SCOC: variants seen among roughly 807,000 people sequenced by gnomAD.
SCOC encodes short coiled coil protein.
In SCOC, 7 loss-of-function variants were observed where a neutral mutation model predicts 9.9. The ratio of observed to expected loss-of-function variants is 0.71; its 90% CI spans 0.40 to 1.33. The LOEUF is 1.33. Ranked by LOEUF, SCOC falls within the 40% of genes most tolerant of loss-of-function variation. The pLI, the probability that SCOC is intolerant of heterozygous loss-of-function variation, is 0.01. For missense variants in SCOC, 66 were observed against 89.7 expected (o/e 0.74, Z 1.07); for synonymous variants, 19 against 28.2 (o/e 0.67, Z 1.03).
chr4:140,346,161 C>T (rs535457234), intron 2 of SCOC, among the ~76,000 whole-genome samples: 50 of 152,208 alleles, frequency 3.3e-4, no homozygotes, highest in Non-Finnish European at 5.9e-4. Context: ...GTGGCAGTGG[C>T]GGTGTTTGTT....
At chr4:140,366,646 T>A in intron 2 of SCOC, 1 of 1,604,264 alleles carries the variant, frequency 6.2e-7, no homozygotes, top group East Asian at 2.2e-5. Flanking sequence ...TTGTCTGACA[T>A]ACTTCTGGTG....
intron 1 of SCOC, among the ~76,000 whole-genome samples, chr4:140,273,162 G>T (rs1730887304): frequency 1.3e-5 from 2 of 152,152 alleles, no homozygotes; most frequent in South Asian, 2.1e-4. Flanking sequence ...GAGCAGGTCG[G>T]CTGGAAAACA....
At chr4:140,275,291 G>T (rs1034145174) in intron 1 of SCOC, among the ~76,000 whole-genome samples, 2 of 152,172 alleles carry the variant, frequency 1.3e-5, no homozygotes, top group African/African-American at 4.8e-5. Context: ...ACCACCACCT[G>T]CATGAAACAT....
upstream of SCOC, among the ~76,000 whole-genome samples, chr4:140,339,774 T>G (rs1726429328): frequency 6.6e-6 from 1 of 152,194 alleles, no homozygotes. Context: ...CCAGTTAGAA[T>G]GGCGATCATT....
Position 140,328,448 on chromosome 4 carries a change from C to G in SCOC, c.-18-15173C>G, listed in dbSNP as rs1308070982. On this transcript the variant is annotated intron_variant, in intron 1 of 4. Coordinates refer to the SCOC transcript ENST00000394205. Reference sequence around the variant, plus strand: ...GATAATAATTTCTGTGTGCCACCTTCGAGTCGACCTCTGTGCCCAACATTT... The same window carrying G: ...GATAATAATTTCTGTGTGCCACCTTGGAGTCGACCTCTGTGCCCAACATTT... Among the ~76,000 whole-genome samples, 3 of 152,176 alleles carry G rather than the reference C, an allele frequency of 2.0e-5. No homozygotes were observed. The East Asian group carries it at 5.8e-4, about 29-fold the overall frequency.
Position 140,297,296 on chromosome 4 carries a change from C to T in SCOC, c.-19+39886C>T, listed in dbSNP as rs189431910. Among the ~76,000 whole-genome samples, 1,049 of 151,598 alleles carry T rather than the reference C, an allele frequency of 6.9e-3. 9 individuals carry two copies. The highest frequency in any genetic ancestry group is 6.7e-3 in the Non-Finnish European group (457 of 67,930). ...GGGGGGGGGGCACTGTTGTCAGTAT[C>T]TGCTGCCGGAGCCCACGCAGCACTT... On this transcript the variant is annotated intron_variant, in intron 1 of 4. Transcript: ENST00000394205.
intron 1 of SCOC, among the ~76,000 whole-genome samples, chr4:140,287,188 TAC>T (rs780531611): frequency 5.5e-4 from 82 of 150,032 alleles, no homozygotes; most frequent in African/African-American, 1.5e-3. Flanking sequence ...ACACACATGC[TAC>T]ACACACACAT....
Position 140,315,056 on chromosome 4 carries a change from T to G in SCOC, c.-18-28565T>G, listed in dbSNP as rs191196879. ...AGGACTAGGGGCAATTTAGTGTCCC[T>G]ATATGTTAGGACTCCCACTTAAAGA... On this transcript the variant is annotated intron_variant, in intron 1 of 4. Transcript: ENST00000394205. Among the ~76,000 whole-genome samples, 10 of 152,344 alleles carry G rather than the reference T, an allele frequency of 6.6e-5. No individual in the cohort carries two copies. The East Asian group carries it at 1.9e-3, about 29-fold the overall frequency.
At chr4:140,279,285 T>C (rs1263757438) in intron 1 of SCOC, among the ~76,000 whole-genome samples, 2 of 152,212 alleles carry the variant, frequency 1.3e-5, no homozygotes, top group Non-Finnish European at 2.9e-5. Context: ...TTCTCCTAAG[T>C]CCATGTTTGT....
chr4:140,270,555 TGGG>T (rs1560675909), intron 1 of SCOC, among the ~76,000 whole-genome samples: 1 of 152,126 alleles, frequency 6.6e-6, no homozygotes, highest in African/African-American at 2.4e-5. Flanking sequence ...AGGCTGGTAC[TGGG>T]ATTGGATAGT....
chr4:140,338,133 G>A (rs577546683), intron 1 of SCOC, among the ~76,000 whole-genome samples: 3 of 152,160 alleles, frequency 2.0e-5, no homozygotes, highest in African/African-American at 4.8e-5. Flanking sequence ...GGGATGCAAG[G>A]CTGGTTCAAT....
At chr4:140,342,212 G>A (rs548259886), upstream of SCOC, among the ~76,000 whole-genome samples, 52 of 152,030 alleles carry the variant, frequency 3.4e-4, no homozygotes, top group Non-Finnish European at 7.1e-4. Context: ...CTGAGCTTTT[G>A]CCCATACTCC....
intron 1 of SCOC, among the ~76,000 whole-genome samples, chr4:140,333,085 G>A (rs1031239979): frequency 6.6e-6 from 1 of 152,112 alleles, no homozygotes; most frequent in Non-Finnish European, 1.5e-5. Flanking sequence ...CTTTGTGCAT[G>A]CCAAACCTGT....
intron 2 of SCOC, among the ~76,000 whole-genome samples, chr4:140,349,282 A>T (rs886296169): frequency 1.3e-5 from 2 of 152,198 alleles, no homozygotes; most frequent in African/African-American, 2.4e-5. Context: ...AACTATTGTC[A>T]TGGAGGGACA....
At position 140,373,674 on chromosome 4, in the gene SCOC, G is replaced by C. The variant is rs1449109438; in HGVS notation, c.-94G>C. The C allele has an allele frequency of 6.4e-7, 1 of 1,550,982 alleles. No homozygotes were observed. The highest frequency in any genetic ancestry group is 8.7e-7 in the Non-Finnish European group (1 of 1,146,936). ...AGTTGGTCCAAGTGTCCCGGCCTGA[G>C]GTGTCGGCCGGATCCCTCCTTCTCC... On this transcript the variant is annotated 5_prime_UTR_variant, in exon 1 of 4. Transcript: ENST00000608372.
chr4:140,353,306 A>G (rs1727056434), intron 2 of SCOC, among the ~76,000 whole-genome samples: 1 of 152,202 alleles, frequency 6.6e-6, no homozygotes, highest in Non-Finnish European at 1.5e-5. Flanking sequence ...CTGCTGAAAC[A>G]ATATATCCAC....
chr4:140,373,979 C>T, intron 1 of SCOC: 3 of 648,370 alleles, frequency 4.6e-6, no homozygotes, highest in Non-Finnish European at 5.7e-6. Flanking sequence ...CGGTCCCTGA[C>T]GCAGACATCG....
intron 1 of SCOC, among the ~76,000 whole-genome samples, chr4:140,269,927 AT>A: frequency 6.6e-6 from 1 of 151,888 alleles, no homozygotes; most frequent in South Asian, 2.1e-4. Context: ...AATTTTTAAA[AT>A]TTTCGTAGAG....
chr4:140,361,416 C>T (rs1431015810), intron 2 of SCOC, among the ~76,000 whole-genome samples: 1 of 152,126 alleles, frequency 6.6e-6, no homozygotes, highest in Admixed American at 6.5e-5. Flanking sequence ...GTGATCTCAA[C>T]ATTTTGGAAG....
Sources: gnomAD v4.1 joint callset for allele counts (sites outside exome capture counted in the v4.1 genomes callset) on GRCh38, gnomAD v4.1.1 for gene constraint, MANE v1.5 for transcripts, NCBI Gene and HGNC (gene_info 2026-07-23, HGNC 2026-07-21) for gene names.